RARB: variants seen among roughly 807,000 people sequenced by gnomAD.
The protein encoded by RARB is retinoic acid receptor beta, also known as HBV-activated protein.
Under a neutral mutation model 51.9 loss-of-function variants are expected in RARB, and 17 were observed. The ratio of observed to expected loss-of-function variants is 0.33; its 90% confidence interval spans 0.22 to 0.49. The LOEUF (loss-of-function observed/expected upper bound fraction) is 0.49, where lower values mean the gene tolerates loss of function less well. Ranked by LOEUF, RARB falls within the 20% of genes least tolerant of loss-of-function variation. RARB has a pLI of 0.99. For missense variants in RARB, 369 were observed against 550.8 expected (o/e 0.67, Z 3.30); for synonymous variants, 215 against 195.4 (o/e 1.10, Z -0.84).
chr3:24,973,028 GT>G (rs976787418), intron 2 of RARB, among the ~76,000 whole-genome samples: 4 of 151,900 alleles, frequency 2.6e-5, no homozygotes, highest in Non-Finnish European at 5.9e-5. Flanking sequence ...TGCTTTTAAG[GT>G]TTTTCACAAA....
intron 3 of RARB, among the ~76,000 whole-genome samples, chr3:25,109,915 C>T (rs368054802): frequency 1.8e-4 from 28 of 152,340 alleles, no homozygotes; most frequent in African/African-American, 6.0e-4. Flanking sequence ...CTGTAGGCTC[C>T]TGTTATAAGA....
In RARB at chr3:25,015,885, C is replaced by A. The variant is rs955137463; in HGVS notation, c.-379-44240C>A. ...GTACTCTGATTCTACATAAATAAAT[C>A]AAGTCATATCATGTTGACCCCTCCT... On this transcript the variant is annotated intron_variant, in intron 2 of 11. Coordinates refer to the RARB transcript ENST00000383772. Among the ~76,000 whole-genome samples, 6 of 152,150 alleles carry A rather than the reference C, an allele frequency of 3.9e-5. No homozygotes were observed. The South Asian group carries it at 8.3e-4, about 21-fold the overall frequency.
At chr3:25,041,064 ATTACACATTTTGCTTTCTTC>A (rs1698105488) in intron 2 of RARB, among the ~76,000 whole-genome samples, 1 of 152,206 alleles carries the variant, frequency 6.6e-6, no homozygotes, top group African/African-American at 2.4e-5. Flanking sequence ...TTAAAATTTT[ATTACACATTTTGCTTTCTTC>A]TTACAACTTA....
At chr3:25,346,592 A>G (rs1312194888) in intron 5 of RARB, among the ~76,000 whole-genome samples, 1 of 152,198 alleles carries the variant, frequency 6.6e-6, no homozygotes, top group Non-Finnish European at 1.5e-5. Context: ...GATGTGGGAC[A>G]TCACTTAAAC....
chr3:25,327,389 A>G (rs1290054218), intron 5 of RARB, among the ~76,000 whole-genome samples: 1 of 152,140 alleles, frequency 6.6e-6, no homozygotes, highest in Non-Finnish European at 1.5e-5. Context: ...AGGAGGGGGA[A>G]CATTATAATC....
intron 5 of RARB, among the ~76,000 whole-genome samples, chr3:25,221,130 A>T: frequency 6.6e-6 from 1 of 152,218 alleles, no homozygotes; most frequent in Middle Eastern, 3.2e-3. Context: ...ATACAGATAT[A>T]ATGGAACTAA....
At chr3:25,498,678 T>A (rs936540384) in intron 2 of RARB, among the ~76,000 whole-genome samples, 1 of 152,254 alleles carries the variant, frequency 6.6e-6, no homozygotes, top group Non-Finnish European at 1.5e-5. Flanking sequence ...GGTCACTGAC[T>A]AAGTGTTTGC....
chr3:25,122,903 C>T (rs756273037), intron 3 of RARB, among the ~76,000 whole-genome samples: 6 of 152,136 alleles, frequency 3.9e-5, no homozygotes, highest in South Asian at 2.1e-4. Flanking sequence ...TCCTTTCCAT[C>T]GGGTCTGGAG....
At chr3:25,294,963 G>T (rs1363832772) in intron 5 of RARB, among the ~76,000 whole-genome samples, 1 of 152,138 alleles carries the variant, frequency 6.6e-6, no homozygotes, top group African/African-American at 2.4e-5. Flanking sequence ...TTTACTATGT[G>T]ATTAGTCCTG....
intron 2 of RARB, among the ~76,000 whole-genome samples, chr3:24,883,999 G>T (rs1287715283): frequency 1.3e-5 from 2 of 152,066 alleles, no homozygotes; most frequent in East Asian, 1.9e-4. Context: ...CATCTAAATA[G>T]GTAACAAGCA....
chr3:25,274,786 A>G (rs1447818837), intron 5 of RARB, among the ~76,000 whole-genome samples: 1 of 152,080 alleles, frequency 6.6e-6, no homozygotes, highest in African/African-American at 2.4e-5. Context: ...AGCGGCAAAA[A>G]TACAGGAAGG....
intron 3 of RARB, among the ~76,000 whole-genome samples, chr3:25,119,940 AAGG>A (rs1699752535): frequency 6.6e-6 from 1 of 152,126 alleles, no homozygotes; most frequent in African/African-American, 2.4e-5. Flanking sequence ...GGCTGGATGA[AAGG>A]AGAAGTGATG....
intron 3 of RARB, among the ~76,000 whole-genome samples, chr3:25,076,182 C>T (rs1182217952): frequency 6.6e-6 from 1 of 151,738 alleles, no homozygotes; most frequent in Non-Finnish European, 1.5e-5. Context: ...CTCTCTGTCG[C>T]CCAGGCTGGA....
intron 2 of RARB, among the ~76,000 whole-genome samples, chr3:24,861,407 G>A (rs961858575): frequency 2.6e-5 from 4 of 152,140 alleles, no homozygotes; most frequent in Admixed American, 6.5e-5. Flanking sequence ...CGTTAATACA[G>A]AGAGGTGGTT....
chr3:25,516,631 C>CTGTTTTTTTTTTTTTTTT (rs1698175115), intron 3 of RARB, among the ~76,000 whole-genome samples: 1 of 131,728 alleles, frequency 7.6e-6, no homozygotes, highest in Admixed American at 7.4e-5. Context: ...ATTTCCTTGT[C>CTGTTTTTTTTTTTTTTTT]TTTTTTTTTT....
chr3:24,914,880 C>T (rs916007760), intron 2 of RARB, among the ~76,000 whole-genome samples: 2 of 152,180 alleles, frequency 1.3e-5, no homozygotes, highest in Admixed American at 6.5e-5. Flanking sequence ...GTCTTAACCA[C>T]CTGTGCACTA....
At chr3:25,126,895 G>C (rs1699867752) in intron 3 of RARB, among the ~76,000 whole-genome samples, 1 of 152,084 alleles carries the variant, frequency 6.6e-6, no homozygotes, top group African/African-American at 2.4e-5. Context: ...AAAACCTTTA[G>C]TCATCCTTGA....
chr3:25,562,044 T>G (rs1700291121), intron 3 of RARB, among the ~76,000 whole-genome samples: 1 of 152,074 alleles, frequency 6.6e-6, no homozygotes, highest in African/African-American at 2.4e-5. Flanking sequence ...CCTAGATATA[T>G]GGGACCCCTA....
At chr3:24,964,319 G>T (rs950047682) in intron 2 of RARB, among the ~76,000 whole-genome samples, 3 of 152,100 alleles carry the variant, frequency 2.0e-5, no homozygotes. Context: ...ATAGGAATCT[G>T]TTCATTGCTA....
Sources: allele counts gnomAD v4.1 joint callset (sites outside exome capture counted in the v4.1 genomes callset), GRCh38; gene constraint gnomAD v4.1.1; transcripts MANE v1.5; gene names NCBI Gene and HGNC (gene_info 2026-07-23, HGNC 2026-07-21).